The following PRKG1 variants were observed in gnomAD, a reference collection of about 807,000 sequenced individuals.
PRKG1 encodes the protein cGMP-dependent protein kinase 1.
PRKG1 carries 35 observed loss-of-function variants against 88.1 expected under a neutral mutation model. That is an observed-to-expected ratio of 0.40 (90% CI 0.30 to 0.53). The LOEUF is 0.53. Among genes scored for constraint, PRKG1 ranks in the 20% least tolerant of loss-of-function variants. The probability of loss-of-function intolerance (pLI) is 0.59; values close to 1 mark genes in which losing one functional copy is unlikely to be tolerated. For missense variants in PRKG1, 540 were observed against 839.8 expected (o/e 0.64, Z 4.41); for synonymous variants, 303 against 292.5 (o/e 1.04, Z -0.37).
chr10:51,930,870 G>T (rs1842680432), intron 5 of PRKG1, among the ~76,000 whole-genome samples: 1 of 152,048 alleles, frequency 6.6e-6, no homozygotes, highest in Non-Finnish European at 1.5e-5. Context: ...TCTCACTTAG[G>T]AAAATAAAAT....
chr10:51,037,677 G>A (rs1843368533), intron 1 of PRKG1, among the ~76,000 whole-genome samples: 1 of 152,008 alleles, frequency 6.6e-6, no homozygotes, highest in South Asian at 2.1e-4. Context: ...CCAGCACTTG[G>A]GAGGCTGAGG....
intron 7 of PRKG1, among the ~76,000 whole-genome samples, chr10:52,085,256 TCCC>T (rs1846882628): frequency 1.3e-5 from 2 of 148,220 alleles, no homozygotes; most frequent in Non-Finnish European, 3.0e-5. Flanking sequence ...TTATTCTCCC[TCCC>T]TCCCTCCCTC....
intron 4 of PRKG1, among the ~76,000 whole-genome samples, chr10:51,852,363 C>T (rs773862357): frequency 6.6e-6 from 1 of 151,184 alleles, no homozygotes; most frequent in Non-Finnish European, 1.5e-5. Context: ...TAGATATACA[C>T]ACACACACAC....
intron 1 of PRKG1, among the ~76,000 whole-genome samples, chr10:51,057,121 ACAT>A (rs1843634968): frequency 6.6e-6 from 1 of 152,260 alleles, no homozygotes; most frequent in Admixed American, 6.5e-5. Context: ...TGGAATGTAA[ACAT>A]CATGTGCGTA....
At chr10:52,187,844 T>A (rs973032704) in intron 9 of PRKG1, among the ~76,000 whole-genome samples, 1 of 152,214 alleles carries the variant, frequency 6.6e-6, no homozygotes, top group African/African-American at 2.4e-5. Context: ...GGTATTGTCA[T>A]CTGTACATCC....
At chr10:51,665,680 T>G (rs1840404703) in intron 3 of PRKG1, among the ~76,000 whole-genome samples, 2 of 148,424 alleles carry the variant, frequency 1.3e-5, no homozygotes, top group African/African-American at 5.0e-5. Context: ...TTATTTTTAT[T>G]TTTTTTTTGT....
At chr10:52,238,640 A>G (rs1014527756) in intron 9 of PRKG1, among the ~76,000 whole-genome samples, 3 of 148,710 alleles carry the variant, frequency 2.0e-5, no homozygotes, top group African/African-American at 7.3e-5. Flanking sequence ...CACACCAGTT[A>G]GAATGGCAAT....
intron 3 of PRKG1, among the ~76,000 whole-genome samples, chr10:51,545,905 C>T (rs1019631093): frequency 1.1e-4 from 17 of 151,996 alleles, no homozygotes; most frequent in African/African-American, 3.9e-4. Context: ...CCCAGCACCC[C>T]CTGTTTCTCT....
At chr10:51,564,495 G>A (rs1837551055) in intron 3 of PRKG1, among the ~76,000 whole-genome samples, 1 of 151,960 alleles carries the variant, frequency 6.6e-6, no homozygotes, top group Admixed American at 6.6e-5. Flanking sequence ...TTGAAGACAG[G>A]AGCATCCAGG....
chr10:51,191,209 A>T lies in PRKG1; in HGVS notation c.478+37879A>T, dbSNP rs184587103. Among the ~76,000 whole-genome samples the T allele has an allele frequency of 3.9e-5, 6 of 151,974 alleles. No individual in the cohort carries two copies. The East Asian group carries it at 1.2e-3, about 29-fold the overall frequency. On this transcript the variant is annotated intron_variant, in intron 2 of 17. Coordinates refer to ENST00000373980, the MANE Select transcript of PRKG1 (RefSeq NM_006258.4). ...ATTAAGAAATTTCTCAGAAAATAAT[A>T]CTCAGTGTGGTTTCCTGAGAACCAG...
At chr10:52,140,546 T>C (rs1344797825) in intron 8 of PRKG1, among the ~76,000 whole-genome samples, 2 of 152,196 alleles carry the variant, frequency 1.3e-5, no homozygotes, top group African/African-American at 4.8e-5. Flanking sequence ...TTGCATTCTC[T>C]AGAAGTTTGC....
At chr10:51,264,709 A>G (rs1332422702) in intron 2 of PRKG1, among the ~76,000 whole-genome samples, 2 of 152,174 alleles carry the variant, frequency 1.3e-5, no homozygotes, top group Non-Finnish European at 2.9e-5. Flanking sequence ...TTCAAGTAAT[A>G]GTGATTATAA....
intron 7 of PRKG1, among the ~76,000 whole-genome samples, chr10:52,076,849 T>C (rs1158045488): frequency 6.6e-6 from 1 of 152,162 alleles, no homozygotes; most frequent in Non-Finnish European, 1.5e-5. Flanking sequence ...ACGTGATTAG[T>C]CATTAGGGAA....
intron 9 of PRKG1, among the ~76,000 whole-genome samples, chr10:52,239,703 G>A (rs1005351547): frequency 6.6e-6 from 1 of 152,004 alleles, no homozygotes; most frequent in Non-Finnish European, 1.5e-5. Flanking sequence ...GTCAGCTGAA[G>A]TGTTACAGCA....
intron 8 of PRKG1, among the ~76,000 whole-genome samples, chr10:52,144,950 AT>A (rs1837691562): frequency 6.6e-6 from 1 of 152,198 alleles, no homozygotes; most frequent in African/African-American, 2.4e-5. Context: ...TAAAGAAAAA[AT>A]AATAGATGTA....
At chr10:52,004,386 A>T (rs191916945) in intron 5 of PRKG1, among the ~76,000 whole-genome samples, 37 of 152,342 alleles carry the variant, frequency 2.4e-4, no homozygotes, top group Admixed American at 3.9e-4. Context: ...TTCCTAAAAT[A>T]TATTAAAACA....
chr10:51,594,794 TG>T (rs1171222086), intron 3 of PRKG1, among the ~76,000 whole-genome samples: 1 of 152,174 alleles, frequency 6.6e-6, no homozygotes, highest in Admixed American at 6.6e-5. Flanking sequence ...GCACATAAAA[TG>T]GGGCATTATT....
At chr10:51,565,184 C>G (rs1837567363) in intron 3 of PRKG1, among the ~76,000 whole-genome samples, 1 of 151,458 alleles carries the variant, frequency 6.6e-6, no homozygotes, top group South Asian at 2.1e-4. Flanking sequence ...AATTGGGATA[C>G]ATTTTTCTTT....
intron 1 of PRKG1, among the ~76,000 whole-genome samples, chr10:51,108,167 A>T (rs977729420): frequency 2.0e-5 from 3 of 152,140 alleles, no homozygotes; most frequent in Non-Finnish European, 4.4e-5. Context: ...ACATTCTACA[A>T]AACATTCAAA....
Sources: allele counts gnomAD v4.1 joint callset (sites outside exome capture counted in the v4.1 genomes callset), GRCh38; gene constraint gnomAD v4.1.1; transcripts MANE v1.5; gene names NCBI Gene and HGNC (gene_info 2026-07-23, HGNC 2026-07-21).